Variants in CYFIP1 observed in about 807,000 individuals in gnomAD.
The protein encoded by CYFIP1 is cytoplasmic FMR1-interacting protein 1.
Under a neutral mutation model 163.5 loss-of-function variants are expected in CYFIP1, and 58 were observed. That is an observed-to-expected ratio of 0.35 (90% CI 0.29 to 0.44). The LOEUF (loss-of-function observed/expected upper bound fraction) is 0.44. CYFIP1 is among the 20% of genes least tolerant of loss of function. The pLI, the probability that CYFIP1 is intolerant of heterozygous loss-of-function variation, is 1.00. For synonymous variants in CYFIP1, 663 were observed against 660.7 expected (o/e 1.00, Z -0.05); for missense variants, 1,338 against 1,653.8 (o/e 0.81, Z 3.31).
Position 22,947,181 on chromosome 15 carries a change from C to G in CYFIP1, c.105G>C (p.Ser35=). ...QQPCIEPPPS[S]LLYQPNFNTN... ...GCTGGGCACCCACCTGGTAGAGCAG[C>G]GAGGATGGCGGGGGCTCGATGCAGG... The change falls in exon 2 of 31, where the codon TCG becomes TCC. Residue 35 remains serine, a synonymous_variant. Transcript: ENST00000617928. The G allele has an allele frequency of 6.2e-7, 1 of 1,614,040 alleles. No homozygotes were observed. The highest frequency in any genetic ancestry group is 8.5e-7 in the Non-Finnish European group (1 of 1,179,968).
intron 16 of CYFIP1, among the ~76,000 whole-genome samples, chr15:22,915,871 T>C (rs990020691): frequency 6.6e-6 from 1 of 152,136 alleles, no homozygotes; most frequent in Admixed American, 6.5e-5. Flanking sequence ...TGAGACAGAT[T>C]AAAAGAGCCC....
Position 22,867,623 on chromosome 15 carries a change from G to GAGTT in CYFIP1, c.*2401_*2404dup, listed in dbSNP as rs561282002. 1.9e-5 allele frequency: 3 copies of GAGTT among 158,814 alleles called. No homozygotes were observed. Among genetic ancestry groups the GAGTT allele is most frequent in the Non-Finnish European group, 4.1e-5 (3 of 72,686 alleles). 9.8% of individuals were successfully genotyped at this position (158,814 alleles called of 1,614,324 possible). On this transcript the variant is annotated 3_prime_UTR_variant, in exon 31 of 31. Transcript: ENST00000617928. ...GTACTTTTCAGTATATTTTCATAAT[G>GAGTT]AGTTATATTGTCATTTAGACTTTGA...
At chr15:22,884,481 A>T (rs1271424113) in intron 23 of CYFIP1, among the ~76,000 whole-genome samples, 1 of 152,188 alleles carries the variant, frequency 6.6e-6, no homozygotes, top group Non-Finnish European at 1.5e-5. Context: ...CGTGTCTCTC[A>T]TCCAGGTCAC....
rs1595491064 is a variant in CYFIP1 at position 22,875,890 on chromosome 15, A to ACATATATATATATATATATATG, written c.3043-620_3043-619insCATATATATATATATATATATG. 1.3e-4 allele frequency among the ~76,000 whole-genome samples: 17 copies of ACATATATATATATATATATATG among 133,110 alleles called. 1 individual carries two copies. Among genetic ancestry groups the ACATATATATATATATATATATG allele is most frequent in the African/African-American group, 4.2e-4 (13 of 31,164 alleles). The allele number at this position is 133,110 out of a possible 152,430, so 87.3% of individuals were successfully genotyped here. A position where few individuals can be genotyped will look rare whatever the true frequency, so the allele number is the denominator to read the frequency against. ...AGGTCCGTTCTCCAGAATAACATAT[A>ACATATATATATATATATATATG]TATATATAAAGAAAATGTACCTCCA... On this transcript the variant is annotated intron_variant, in intron 26 of 30. Coordinates refer to ENST00000617928, the MANE Select transcript of CYFIP1 (RefSeq NM_014608.6).
intron 1 of CYFIP1, among the ~76,000 whole-genome samples, chr15:22,964,508 G>A (rs914399879): frequency 1.3e-5 from 2 of 152,060 alleles, no homozygotes; most frequent in Admixed American, 1.3e-4. Flanking sequence ...CCTCGGCCAC[G>A]GTGCCCCAGG....
At chr15:22,923,865 C>T (rs994474103) in intron 13 of CYFIP1, among the ~76,000 whole-genome samples, 1 of 146,678 alleles carries the variant, frequency 6.8e-6, no homozygotes, top group Non-Finnish European at 1.5e-5. Context: ...ATTGTCTGAG[C>T]CCAGAAGATT....
At position 22,910,595 on chromosome 15, in the gene CYFIP1, G is replaced by A. The variant is rs761321744; in HGVS notation, c.2193C>T (p.Cys731=). The part of the protein sequence containing the change: ...LLLDKRLRSE[C]KNQGATIHLP... Reference sequence around the variant, plus strand: ...GGTGGATCGTGGCTCCCTGATTCTTGCATTCTGATCGTAACCGTTTATCAA... The same window carrying A: ...GGTGGATCGTGGCTCCCTGATTCTTACATTCTGATCGTAACCGTTTATCAA... Residue 731 remains cysteine (C), a synonymous_variant, in exon 20 of 31, where the codon TGC becomes TGT. Transcript: ENST00000617928. 2.5e-6 allele frequency: 4 copies of A among 1,614,180 alleles called. No homozygotes were observed. The highest frequency in any genetic ancestry group is 3.4e-6 in the Non-Finnish European group (4 of 1,180,006).
At chr15:22,944,503 G>T in intron 5 of CYFIP1, 55 bp downstream of exon 5, 1 of 1,207,902 alleles carries the variant, frequency 8.3e-7, no homozygotes, top group Non-Finnish European at 1.2e-6. Context: ...GGTAGGAAGG[G>T]GTCAGCAACC....
chr15:22,915,104 T>C, intron 16 of CYFIP1: 1 of 428,018 alleles, frequency 2.3e-6, no homozygotes, highest in Non-Finnish European at 4.1e-6. Context: ...CTGTGAGCCC[T>C]TCAGTGGGAT....
rs762772546 is a variant in CYFIP1, at chr15:22,914,794, G to A, written c.1917C>T (p.Pro639=). The change falls in exon 17 of 31, where the codon CCC becomes CCT. Residue 639 remains proline, a synonymous_variant. Coordinates refer to ENST00000617928, the MANE Select transcript of CYFIP1 (RefSeq NM_014608.6). Reference sequence around the variant, plus strand: ...GGATCCAGGGCATCGACATCTCAATGGGGAACTGGATCCTCCTGCCCATGG... The same window carrying A: ...GGATCCAGGGCATCGACATCTCAATAGGGAACTGGATCCTCCTGCCCATGG... ...ELTMGRRIQF[P]IEMSMPWILT... is the part of the protein sequence containing the mutation. 6.2e-7 allele frequency: 1 copy of A among 1,613,864 alleles called. No homozygotes were observed. Among genetic ancestry groups the A allele is most frequent in the Non-Finnish European group, 8.5e-7 (1 of 1,179,900 alleles).
At chr15:22,914,659 G>A (rs1295582655) in intron 17 of CYFIP1, 67 bp downstream of exon 17, 30 of 1,489,964 alleles carry the variant, frequency 2.0e-5, no homozygotes, top group Admixed American at 6.4e-5. Flanking sequence ...CGGCCTCTCC[G>A]CCACCTCCTC....
At position 22,917,622 on chromosome 15, in the gene CYFIP1, C is replaced by T; in HGVS notation, c.1674+166G>A. 3.6e-6 allele frequency: 3 copies of T among 840,980 alleles called. No homozygotes were observed. The highest frequency in any genetic ancestry group is 5.3e-6 in the Non-Finnish European group (3 of 568,422). 52.1% of individuals were successfully genotyped at this position (840,980 alleles called of 1,614,324 possible). A position where few individuals can be genotyped will look rare whatever the true frequency, so the allele number is the denominator to read the frequency against. On this transcript the variant is annotated intron_variant, in intron 15 of 30. Transcript: ENST00000617928. The surrounding 1 kb of genome is among the most constrained non-coding windows in gnomAD (Gnocchi z 4.2). ...CACGTCTCCTCACGCTCCCAACTCACTTGGGTGGGAAACAGAGGAGCAGCA... is the reference window on the plus strand; with the variant it reads ...CACGTCTCCTCACGCTCCCAACTCATTTGGGTGGGAAACAGAGGAGCAGCA...
chr15:22,966,993 C>T (rs2090592659), intron 1 of CYFIP1, among the ~76,000 whole-genome samples: 1 of 151,890 alleles, frequency 6.6e-6, no homozygotes, highest in Non-Finnish European at 1.5e-5. Context: ...CCCAAAATCA[C>T]CTCTGCCTTT....
intron 13 of CYFIP1, among the ~76,000 whole-genome samples, chr15:22,924,395 G>C (rs1358826479): frequency 4.6e-4 from 70 of 152,144 alleles, no homozygotes. Context: ...CTGCCCTCTA[G>C]CCTGGGTGAC....
At chr15:22,876,967 C>G (rs563951805) in intron 26 of CYFIP1, among the ~76,000 whole-genome samples, 1 of 152,304 alleles carries the variant, frequency 6.6e-6, no homozygotes, top group East Asian at 1.9e-4. Flanking sequence ...GGCTGTCTCC[C>G]CATTAAGAAA....
rs368214850 is a variant in CYFIP1 at position 22,874,659 on chromosome 15, A to T, written c.3116-15T>A. On this transcript the variant is annotated splice_polypyrimidine_tract_variant and intron_variant, in intron 27 of 30. Coordinates refer to ENST00000617928, the MANE Select transcript of CYFIP1 (RefSeq NM_014608.6). ...TCTCTCCCCCTCTGCAGTAGAAAAA[A>T]TATTTTACTATATTCTGCTCCTTTG... The T allele has an allele frequency of 3.9e-6, 6 of 1,535,820 alleles. No individual in the cohort carries two copies. In the African/African-American group the frequency reaches 8.3e-5, roughly 21 times the overall value.
At chr15:22,980,098 GGGACCTGGGGGACGCGGGGACCA>G (rs2063427408) in intron 1 of CYFIP1, among the ~76,000 whole-genome samples, 166 bp downstream of exon 1, 1 of 150,240 alleles carries the variant, frequency 6.7e-6, no homozygotes, top group Non-Finnish European at 1.5e-5. Flanking sequence ...GCCCGGGGCC[GGGACCTGGGGGACGCGGGGACCA>G]GGACGATCCC....
At chr15:22,929,728 G>A (rs1461790770) in intron 11 of CYFIP1, among the ~76,000 whole-genome samples, 1 of 148,908 alleles carries the variant, frequency 6.7e-6, no homozygotes, top group East Asian at 2.0e-4. Flanking sequence ...GAGGTCAGGA[G>A]ATCAAGACCA....
rs1300012563 is a variant in CYFIP1 at position 22,944,914 on chromosome 15, T to C, written c.233A>G (p.Glu78Gly). Residue 78 changes from glutamate to glycine, a missense_variant, in exon 4 of 31, where the codon GAA becomes GGA. Glu to Gly is a moderately conservative substitution (Grantham distance 98, BLOSUM62 -2). This residue lies in a region of CYFIP1 where 186 missense variants were observed against 288.3 expected (regional missense o/e 0.65). Transcript: ENST00000617928. ...SMNEMLEEGQEYAVMLYTWRS... is the reference protein window; with the variant it reads ...SMNEMLEEGQGYAVMLYTWRS... ...CCAGGTGTACAGCATGACAGCATAT[T>C]CTTGGCCCTCCTCCAGCATCTCGTT... 1 of 1,614,110 alleles carries C rather than the reference T, an allele frequency of 6.2e-7. No homozygotes were observed. The highest frequency in any genetic ancestry group is 8.5e-7 in the Non-Finnish European group (1 of 1,179,996).
Sources: allele counts gnomAD v4.1 joint callset (sites outside exome capture counted in the v4.1 genomes callset), GRCh38; gene constraint gnomAD v4.1.1; regional missense constraint gnomAD v4.1.1; non-coding constraint Gnocchi (gnomAD v3.1); transcripts MANE v1.5; gene names NCBI Gene and HGNC (gene_info 2026-07-23, HGNC 2026-07-21).